FBXO17: variants seen among roughly 807,000 people sequenced by gnomAD.
FBXO17 encodes F-box only protein 17.
FBXO17 carries 43 observed loss-of-function variants against 34.1 expected under a neutral mutation model. The observed-to-expected ratio is 1.26, with a 90% CI of 0.99 to 1.62. FBXO17 has a LOEUF of 1.62. Among genes scored for constraint, FBXO17 ranks in the 40% most tolerant of loss-of-function variants. The probability of loss-of-function intolerance (pLI) is 0.00; values close to 1 mark genes in which losing one functional copy is unlikely to be tolerated. For synonymous variants in FBXO17, 169 were observed against 166.0 expected, an observed-to-expected ratio of 1.02 and a Z score of -0.14; for missense variants, 424 against 386.7, an observed-to-expected ratio of 1.10 and a Z score of -0.81.
chr19:38,948,773 C>T, intron 2 of FBXO17, 95 bp from the exon 3 acceptor site: 3 of 986,328 alleles, frequency 3.0e-6, no homozygotes, highest in Non-Finnish European at 4.7e-6. Context: ...ACCAGCCTCT[C>T]CCTCTTGTGC....
intron 1 of FBXO17, among the ~76,000 whole-genome samples, chr19:38,957,161 C>T (rs1254433475): frequency 6.6e-6 from 1 of 151,594 alleles, no homozygotes; most frequent in Non-Finnish European, 1.5e-5. Context: ...GAGGTTGCAG[C>T]GAGCAGAGAT....
rs149857472 is a variant in FBXO17, at chr19:38,943,327, A to G, written c.694-576T>C. ...CTCACTCTGTCGCCCAGGCTGGAGTACAGTGGCATGATTTTGGCTCAATGC... is the reference window on the plus strand; with the variant it reads ...CTCACTCTGTCGCCCAGGCTGGAGTGCAGTGGCATGATTTTGGCTCAATGC... On this transcript the variant is annotated intron_variant, in intron 5 of 5. Transcript: ENST00000292852. Among the ~76,000 whole-genome samples, 1,026 of 150,630 alleles carry G rather than the reference A, an allele frequency of 6.8e-3. 11 individuals carry two copies. The highest frequency in any genetic ancestry group is 0.024 in the African/African-American group (977 of 40,980).
In FBXO17 at chr19:38,944,971, G is replaced by A; in HGVS notation, c.691C>T (p.Gln231Ter). 6.2e-7 allele frequency: 1 copy of A among 1,614,164 alleles called. No individual in the cohort carries two copies. Among genetic ancestry groups the A allele is most frequent in the Non-Finnish European group, 8.5e-7 (1 of 1,180,020 alleles). ...VLQWTERGCRQVSHVFTNFGK... is the reference protein window; with the variant it reads ...VLQWTERGCR ...GCTGGAAGCTAGTCTGGACCCACCT[G>A]TCGGCAGCCCCTCTCAGTCCACTGA... Residue 231 changes from glutamine to a stop codon, truncating the protein, a stop_gained and splice_region_variant, in exon 5 of 6, where the codon CAG (glutamine) becomes TAG (stop). Transcript: ENST00000292852. LOFTEE classifies it high-confidence loss of function.
intron 1 of FBXO17, chr19:38,952,883 C>T (rs983912642): frequency 1.3e-5 from 6 of 456,194 alleles, no homozygotes; most frequent in Non-Finnish European, 2.6e-5. Flanking sequence ...TCCAGTGCCC[C>T]ACTCGCATGA....
Position 38,944,954 on chromosome 19 carries a change from C to T in FBXO17, c.693+15G>A, listed in dbSNP as rs1172358769. On this transcript the variant is annotated intron_variant, in intron 5 of 5. Transcript: ENST00000292852. Reference sequence around the variant, plus strand: ...TTAGCGGGTCGGGGGGAGCTGGAAGCTAGTCTGGACCCACCTGTCGGCAGC... The same window carrying T: ...TTAGCGGGTCGGGGGGAGCTGGAAGTTAGTCTGGACCCACCTGTCGGCAGC... The T allele has an allele frequency of 1.9e-6, 3 of 1,613,306 alleles. No individual in the cohort carries two copies. The highest frequency in any genetic ancestry group is 1.7e-6 in the Non-Finnish European group (2 of 1,179,686).
chr19:38,956,936 A>G (rs905137875), intron 1 of FBXO17, among the ~76,000 whole-genome samples: 4 of 152,208 alleles, frequency 2.6e-5, no homozygotes, highest in African/African-American at 9.6e-5. Flanking sequence ...GGCAACTAAC[A>G]TAATTTAGTG....
At position 38,950,156 on chromosome 19, in the gene FBXO17, C is replaced by T. The variant is rs1370548090; in HGVS notation, c.164G>A (p.Gly55Glu). 2 of 1,562,214 alleles carry T rather than the reference C, an allele frequency of 1.3e-6. No homozygotes were observed. The highest frequency in any genetic ancestry group is 8.6e-7 in the Non-Finnish European group (1 of 1,159,272). Reference sequence around the variant, plus strand: ...CAGCTGCAGCAGCCACACAGTGGGCCCGTCCACTATGTCGCGCCAGGCGCG... The same window carrying T: ...CAGCTGCAGCAGCCACACAGTGGGCTCGTCCACTATGTCGCGCCAGGCGCG... Reference protein sequence around the residue: ...VCRAWRDIVDGPTVWLLQLAR... With the variant: ...VCRAWRDIVDEPTVWLLQLAR... The change falls in exon 2 of 6, where the codon GGG (glycine) becomes GAG (glutamate). Residue 55 changes from glycine to glutamate, a missense_variant. Coordinates refer to ENST00000292852, the MANE Select transcript of FBXO17 (RefSeq NM_024907.7).
At position 38,945,253 on chromosome 19, in the gene FBXO17, G is replaced by C. The variant is rs1428429495; in HGVS notation, c.558-149C>G. ...ACGTCCTGGCCTGGGAACCTCTAGG[G>C]GAGGAGCCTTGGTGGTTCTGGGGTG... On this transcript the variant is annotated intron_variant, in intron 4 of 5. Transcript: ENST00000292852. 11 of 1,060,784 alleles carry C rather than the reference G, an allele frequency of 1.0e-5. No homozygotes were observed. In the Admixed American group the frequency reaches 1.0e-4, roughly 10 times the overall value. The allele number at this position is 1,060,784 out of a possible 1,614,324, so 65.7% of individuals were successfully genotyped here.
At chr19:38,949,194 C>T (rs1387389912) in intron 2 of FBXO17, among the ~76,000 whole-genome samples, 1 of 152,030 alleles carries the variant, frequency 6.6e-6, no homozygotes, top group Non-Finnish European at 1.5e-5. Context: ...CTCCGCCTCC[C>T]AGGTTCAAGC....
intron 1 of FBXO17, among the ~76,000 whole-genome samples, chr19:38,950,979 A>C (rs1447171913): frequency 6.6e-6 from 1 of 151,146 alleles, no homozygotes; most frequent in East Asian, 2.0e-4. Context: ...TTTAGTAGAG[A>C]CGGGGTTTCA....
chr19:38,971,586 C>A (rs190956078), intron 1 of FBXO17, among the ~76,000 whole-genome samples: 3 of 152,126 alleles, frequency 2.0e-5, no homozygotes, highest in Admixed American at 1.3e-4. Context: ...GAGTTTAAGA[C>A]CAGCTTGGGT....
intron 4 of FBXO17, 112 bp downstream of exon 4, chr19:38,946,360 G>A: frequency 6.6e-7 from 1 of 1,511,240 alleles, no homozygotes; most frequent in South Asian, 1.3e-5. Context: ...CACAAAGGGT[G>A]CACAGTGACA....
chr19:38,956,674 A>C (rs933189154), intron 1 of FBXO17, among the ~76,000 whole-genome samples: 15 of 152,102 alleles, frequency 9.9e-5, no homozygotes, highest in Admixed American at 9.2e-4. Flanking sequence ...TGAGGTCAGG[A>C]GTTCAAGACC....
At chr19:38,954,771 G>C (rs1209519009) in intron 1 of FBXO17, among the ~76,000 whole-genome samples, 1 of 149,888 alleles carries the variant, frequency 6.7e-6, no homozygotes, top group Admixed American at 6.7e-5. Flanking sequence ...GTAGAGACAG[G>C]GTTTCACCAT....
intron 1 of FBXO17, chr19:38,952,705 G>A (rs375727685): frequency 1.2e-5 from 6 of 515,546 alleles, no homozygotes; most frequent in Middle Eastern, 3.2e-4. Context: ...TAGTTCTTCC[G>A]CAGCCCCAAC....
chr19:38,960,543 C>G (rs1006719882), intron 1 of FBXO17, among the ~76,000 whole-genome samples: 3 of 152,134 alleles, frequency 2.0e-5, no homozygotes, highest in Non-Finnish European at 2.9e-5. Flanking sequence ...GAGTCTCGCT[C>G]TGTCCCCCAG....
intron 1 of FBXO17, among the ~76,000 whole-genome samples, chr19:38,961,916 G>T (rs1444673341): frequency 6.6e-6 from 1 of 151,990 alleles, no homozygotes; most frequent in Non-Finnish European, 1.5e-5. Context: ...GCCTGCGTCG[G>T]CCTCCCAAAG....
At chr19:38,971,117 T>G (rs1336098229) in intron 1 of FBXO17, among the ~76,000 whole-genome samples, 1 of 146,348 alleles carries the variant, frequency 6.8e-6, no homozygotes, top group African/African-American at 2.6e-5. Context: ...AAAAAAAAAT[T>G]CAAAGTCTAG....
rs992533026 is a variant in FBXO17, at chr19:38,945,094, G to C, written c.568C>G (p.Arg190Gly). ...TGGTAGACGCAGCCGCAGTTCTCTC[G>C]AGCGCCCCACCTGCCAGGCAGCAGT... ...EICVADWWGA[R>G]ENCGCVYQLR... The change falls in exon 5 of 6, where the codon CGA becomes GGA. Residue 190 changes from arginine (R) to glycine (G), a missense_variant. Transcript: ENST00000292852. 1.4e-5 allele frequency: 22 copies of C among 1,613,966 alleles called. No individual in the cohort carries two copies. The highest frequency in any genetic ancestry group is 1.7e-5 in the Admixed American group (1 of 59,988).
Sources: allele counts gnomAD v4.1 joint callset (sites outside exome capture counted in the v4.1 genomes callset), GRCh38; gene constraint gnomAD v4.1.1; transcripts MANE v1.5; gene names NCBI Gene and HGNC (gene_info 2026-07-23, HGNC 2026-07-21).